The following CHST1 variants were observed in gnomAD, a reference collection of about 807,000 sequenced individuals.
CHST1 encodes Keratan sulfotransferase.
CHST1 carries 10 observed loss-of-function variants against 22.5 expected under a neutral mutation model. The ratio of observed to expected loss-of-function variants is 0.44; its 90% CI spans 0.27 to 0.75. The LOEUF is 0.75. Ranked by LOEUF, CHST1 falls within the 30% of genes least tolerant of loss-of-function variation. The pLI is 0.15. For synonymous variants in CHST1, 267 were observed against 264.5 expected, an observed-to-expected ratio of 1.01 and a Z score of -0.09; for missense variants, 439 against 576.1, an observed-to-expected ratio of 0.76 and a Z score of 2.44.
Position 45,648,583 on chromosome 11 carries a change from C to A in CHST1, c.*1105G>T, listed in dbSNP as rs961539917. On this transcript the variant is annotated 3_prime_UTR_variant, in exon 4 of 4. Coordinates refer to ENST00000308064, the MANE Select transcript of CHST1 (RefSeq NM_003654.6). ...GTGTGCACCTGTAGTCCCAGTCACT[C>A]GGGAGGCTGAGGCGGGAGAACTGCT... 1.3e-4 allele frequency among the ~76,000 whole-genome samples: 19 copies of A among 151,748 alleles called. No individual in the cohort carries two copies. The highest frequency in any genetic ancestry group is 4.4e-4 in the African/African-American group (18 of 41,272).
rs1446738373 is a variant in CHST1, at chr11:45,648,394, A to G, written c.*1294T>C. Among the ~76,000 whole-genome samples the G allele has an allele frequency of 6.6e-6, 1 of 152,084 alleles. No individual in the cohort carries two copies. Among genetic ancestry groups the G allele is most frequent in the Non-Finnish European group, 1.5e-5 (1 of 67,996 alleles). ...CGGTCTCAACTGACTGAAGGAAAAA[A>G]AAAACGGCTGGGTGAGGTGGCTCAA... On this transcript the variant is annotated 3_prime_UTR_variant, in exon 4 of 4. Coordinates refer to ENST00000308064, the MANE Select transcript of CHST1 (RefSeq NM_003654.6).
chr11:45,656,384 T>C (rs971721751), intron 1 of CHST1, among the ~76,000 whole-genome samples: 1 of 152,162 alleles, frequency 6.6e-6, no homozygotes, highest in Non-Finnish European at 1.5e-5. Flanking sequence ...ACCCAGCATA[T>C]ATAAGTTTCA....
chr11:45,648,016 T>C lies in CHST1; in HGVS notation c.*1672A>G, dbSNP rs1851939117. Among the ~76,000 whole-genome samples, 1 of 152,168 alleles carries C rather than the reference T, an allele frequency of 6.6e-6. No individual in the cohort carries two copies. Among genetic ancestry groups the C allele is most frequent in the Non-Finnish European group, 1.5e-5 (1 of 68,026 alleles). On this transcript the variant is annotated 3_prime_UTR_variant, in exon 4 of 4. Transcript: ENST00000308064. ...CTGCAGCCACCCCAGGGGCAGGTTT[T>C]CTTGGAATAAGAGCTGGGGAAGCTG...
At position 45,648,527 on chromosome 11, in the gene CHST1, C is replaced by CAA. The variant is rs4148906; in HGVS notation, c.*1159_*1160dup. Among the ~76,000 whole-genome samples the CAA allele has an allele frequency of 0.027, 3,431 of 128,744 alleles. 142 individuals are homozygous for CAA. The highest frequency in any genetic ancestry group is 0.093 in the African/African-American group (3,175 of 34,228). The allele number at this position is 128,744 out of a possible 152,430, so 84.5% of individuals were successfully genotyped here. ...GTGAAACCCCGTCTCTACTAAAATC[C>CAA]AAAAAAAAAAAAAAATAGCCAGGTG... On this transcript the variant is annotated 3_prime_UTR_variant, in exon 4 of 4. Coordinates refer to ENST00000308064, the MANE Select transcript of CHST1 (RefSeq NM_003654.6).
intron 1 of CHST1, among the ~76,000 whole-genome samples, chr11:45,661,868 G>A (rs1565001189): frequency 6.6e-6 from 1 of 152,196 alleles, no homozygotes. Context: ...GGCATCAGTG[G>A]CACTCAGAAT....
intron 1 of CHST1, among the ~76,000 whole-genome samples, chr11:45,657,247 C>T (rs565691087): frequency 5.9e-5 from 9 of 152,182 alleles, no homozygotes; most frequent in African/African-American, 1.7e-4. Context: ...TTAGTTAAGG[C>T]TAAAATGCAT....
chr11:45,662,639 A>G (rs1039324129), intron 1 of CHST1, among the ~76,000 whole-genome samples: 1 of 152,170 alleles, frequency 6.6e-6, no homozygotes, highest in African/African-American at 2.4e-5. Flanking sequence ...AACACTTACT[A>G]TGGCACCATT....
chr11:45,659,320 C>G (rs1004023903), intron 1 of CHST1, among the ~76,000 whole-genome samples: 1 of 152,130 alleles, frequency 6.6e-6, no homozygotes, highest in African/African-American at 2.4e-5. Flanking sequence ...ACCCCCAGGC[C>G]ACACCCAAGA....
Position 45,649,670 on chromosome 11 carries a change from C to G in CHST1, c.*18G>C, listed in dbSNP as rs1301148010. ...AACCGACACCTTGCGCCTCCCGCCC[C>G]CACCCGCACCGCCCGGGTCACGAGA... On this transcript the variant is annotated 3_prime_UTR_variant, in exon 4 of 4. Transcript: ENST00000308064. The G allele has an allele frequency of 1.3e-6, 2 of 1,526,094 alleles. No individual in the cohort carries two copies. The highest frequency in any genetic ancestry group is 2.8e-5 in the African/African-American group (2 of 72,162). 94.5% of individuals were successfully genotyped at this position (1,526,094 alleles called of 1,614,324 possible).
At chr11:45,661,492 G>C (rs1852132817) in intron 1 of CHST1, among the ~76,000 whole-genome samples, 1 of 152,242 alleles carries the variant, frequency 6.6e-6, no homozygotes, top group African/African-American at 2.4e-5. Context: ...CGGAGAGCTG[G>C]CAAGGGGTGT....
chr11:45,649,865 C>G lies in CHST1; in HGVS notation c.1059G>C (p.Ser353=), dbSNP rs528515371. 7 of 1,611,140 alleles carry G rather than the reference C, an allele frequency of 4.3e-6. No homozygotes were observed. The African/African-American group carries it at 5.3e-5, about 12-fold the overall frequency. The change falls in exon 4 of 4, where the codon TCG becomes TCC. Residue 353 remains serine, a synonymous_variant. Transcript: ENST00000308064. ...GKHKYGTVRN[S]AATAEKWRFR... ...AGCGCCACTTCTCGGCCGTGGCCGC[C>G]GAGTTTCGCACGGTGCCGTATTTGT...
Position 45,650,475 on chromosome 11 carries a change from C to T in CHST1, c.449G>A (p.Arg150Lys), listed in dbSNP as rs1851980243. 2.5e-6 allele frequency: 4 copies of T among 1,613,314 alleles called. No individual in the cohort carries two copies. Among genetic ancestry groups the T allele is most frequent in the East Asian group, 2.2e-5 (1 of 44,862 alleles). ...CCGGCTGGCCCCGCGGCGGAAGATC[C>T]TGTCGGTGGTGTGGTTGACCGGCGG... is the stretch of plus-strand genomic sequence containing the variant. Reference protein sequence around the residue: ...KPPPVNHTTDRIFRRGASRVL... With the variant: ...KPPPVNHTTDKIFRRGASRVL... Residue 150 changes from arginine to lysine, a missense_variant, in exon 4 of 4, where the codon AGG becomes AAG. Physicochemically the swap from Arg to Lys is conservative, Grantham distance 26. Transcript: ENST00000308064.
intron 1 of CHST1, among the ~76,000 whole-genome samples, chr11:45,653,133 G>T (rs986452648): frequency 6.6e-6 from 1 of 152,100 alleles, no homozygotes; most frequent in Admixed American, 6.5e-5. Flanking sequence ...CCCACTATTT[G>T]ACGTGACTCC....
At chr11:45,655,323 C>A (rs961443426) in intron 1 of CHST1, among the ~76,000 whole-genome samples, 3 of 152,240 alleles carry the variant, frequency 2.0e-5, no homozygotes, top group Non-Finnish European at 4.4e-5. Context: ...AACAAATCAT[C>A]CTGCAGCCCA....
At chr11:45,661,581 G>T (rs1338177262) in intron 1 of CHST1, among the ~76,000 whole-genome samples, 3 of 152,208 alleles carry the variant, frequency 2.0e-5, no homozygotes, top group Non-Finnish European at 4.4e-5. Flanking sequence ...CTGGTGTGTA[G>T]CTGAGAGAGG....
chr11:45,651,073 C>G, intron 3 of CHST1, 108 bp from the exon 4 acceptor site: 1 of 727,656 alleles, frequency 1.4e-6, no homozygotes. Flanking sequence ...CGGCTCCTGT[C>G]CAGTGCTCAC....
intron 1 of CHST1, among the ~76,000 whole-genome samples, chr11:45,658,328 G>C (rs1400132254): frequency 6.6e-6 from 1 of 152,244 alleles, no homozygotes; most frequent in Non-Finnish European, 1.5e-5. Context: ...TTAACACAGT[G>C]CTAGGCACAG....
intron 1 of CHST1, among the ~76,000 whole-genome samples, chr11:45,658,568 G>A (rs1050777532): frequency 6.6e-6 from 1 of 152,276 alleles, no homozygotes; most frequent in South Asian, 2.1e-4. Flanking sequence ...GGAGTGGGAG[G>A]GGGGTGGTCC....
rs1239595448 is a variant in CHST1 at position 45,650,621 on chromosome 11, G to A, written c.303C>T (p.Ile101=). The A allele has an allele frequency of 1.9e-6, 3 of 1,614,122 alleles. No individual in the cohort carries two copies. Among genetic ancestry groups the A allele is most frequent in the East Asian group, 4.5e-5 (2 of 44,872 alleles). The part of the protein sequence containing the change: ...EPLYHVQNTL[I]PRFTQGKSPA... ...GGCTCTTGCCCTGGGTGAAGCGGGGGATGAGCGTGTTCTGGACGTGGTAGA... is the reference window on the plus strand; with the variant it reads ...GGCTCTTGCCCTGGGTGAAGCGGGGAATGAGCGTGTTCTGGACGTGGTAGA... Residue 101 remains isoleucine, a synonymous_variant, in exon 4 of 4, where the codon ATC becomes ATT. Transcript: ENST00000308064.
Sources: allele counts gnomAD v4.1 joint callset (sites outside exome capture counted in the v4.1 genomes callset), GRCh38; gene constraint gnomAD v4.1.1; transcripts MANE v1.5; gene names NCBI Gene and HGNC (gene_info 2026-07-23, HGNC 2026-07-21).